Variants in NIPSNAP1 observed in about 807,000 individuals in gnomAD.
NIPSNAP1 encodes nipsnap homolog 1, also known as protein NipSnap homolog 1.
Under a neutral mutation model 49.2 loss-of-function variants are expected in NIPSNAP1, and 25 were observed. The ratio of observed to expected loss-of-function variants is 0.51; its 90% CI spans 0.37 to 0.71. The LOEUF is 0.71. Ranked by LOEUF, NIPSNAP1 falls within the 30% of genes least tolerant of loss-of-function variation. The pLI is 0.00. For synonymous variants in NIPSNAP1, 143 were observed against 140.7 expected, an observed-to-expected ratio of 1.02 and a Z score of -0.12; for missense variants, 294 against 361.0, an observed-to-expected ratio of 0.81 and a Z score of 1.50.
chr22:29,574,261 CAAAAAAAAAAAAAAA>C (rs1158442759), intron 1 of NIPSNAP1, among the ~76,000 whole-genome samples: 89 of 36,694 alleles, frequency 2.4e-3, no homozygotes, highest in African/African-American at 8.5e-3. Flanking sequence ...TCCATCTTCA[CAAAAAAAAAAAAAAA>C]AAAAAAAAAA....
chr22:29,556,903 C>T (rs1323000255), intron 9 of NIPSNAP1, among the ~76,000 whole-genome samples: 2 of 151,936 alleles, frequency 1.3e-5, no homozygotes, highest in Non-Finnish European at 2.9e-5. Context: ...GCATGTGCCA[C>T]TATGCCTGGC....
chr22:29,571,677 G>C (rs1171485069), intron 1 of NIPSNAP1, among the ~76,000 whole-genome samples: 1 of 152,164 alleles, frequency 6.6e-6, no homozygotes, highest in Admixed American at 6.5e-5. Context: ...CTGGCAAGAG[G>C]GATCCCTGAG....
Position 29,555,681 on chromosome 22 carries a change from CTA to C in NIPSNAP1, c.*252_*253del. On this transcript the variant is annotated 3_prime_UTR_variant, in exon 10 of 10. Transcript: ENST00000216121. ...AGATAAATGAAGGCCTAAAAGATCACTATCTTTCATTCAGGGAAATCAGAAAC... is the reference window on the plus strand; with the variant it reads ...AGATAAATGAAGGCCTAAAAGATCACTCTTTCATTCAGGGAAATCAGAAAC... 1.9e-6 allele frequency: 1 copy of C among 524,470 alleles called. No individual in the cohort carries two copies. The highest frequency in any genetic ancestry group is 2.1e-5 in the South Asian group (1 of 48,456). 32.5% of individuals were successfully genotyped at this position (524,470 alleles called of 1,614,324 possible). A position where few individuals can be genotyped will look rare whatever the true frequency, so the allele number is the denominator to read the frequency against.
At chr22:29,570,086 G>T in intron 3 of NIPSNAP1, 76 bp downstream of exon 3, 1 of 1,148,234 alleles carries the variant, frequency 8.7e-7, no homozygotes, top group Non-Finnish European at 1.3e-6. Flanking sequence ...ACAGGGTGGA[G>T]GATGTTCCGC....
Position 29,569,180 on chromosome 22 carries a change from G to A in NIPSNAP1, c.367+13C>T, listed in dbSNP as rs751804661. On this transcript the variant is annotated intron_variant, in intron 4 of 9. Coordinates refer to ENST00000216121, the MANE Select transcript of NIPSNAP1 (RefSeq NM_003634.4). ...GGGCAGTGGCAATGGCACTAGGGAG[G>A]TGAGCGCCTTACCTGCCTGGTCCTG... 5.0e-6 allele frequency: 8 copies of A among 1,612,224 alleles called. No individual in the cohort carries two copies. The highest frequency in any genetic ancestry group is 1.3e-5 in the African/African-American group (1 of 74,994).
chr22:29,555,485 A>G lies in NIPSNAP1; in HGVS notation c.*450T>C. 1 of 197,728 alleles carries G rather than the reference A, an allele frequency of 5.1e-6. No individual in the cohort carries two copies. Among genetic ancestry groups the G allele is most frequent in the Non-Finnish European group, 1.1e-5 (1 of 93,828 alleles). The allele number at this position is 197,728 out of a possible 1,614,324, so 12.2% of individuals were successfully genotyped here. ...GGGACTTGGCTCAGACTGTCCAGCA[A>G]GTGGGTGGCCCAGTGGAAACCAGGG... On this transcript the variant is annotated 3_prime_UTR_variant, in exon 10 of 10. Coordinates refer to ENST00000216121, the MANE Select transcript of NIPSNAP1 (RefSeq NM_003634.4).
chr22:29,569,363 C>A, intron 3 of NIPSNAP1, 76 bp from the exon 4 acceptor site: 1 of 1,084,854 alleles, frequency 9.2e-7, no homozygotes, highest in South Asian at 1.3e-5. Flanking sequence ...AAACTCAGTT[C>A]AAACAGACCC....
In NIPSNAP1 at chr22:29,576,799, C is replaced by G. The variant is rs1032599224; in HGVS notation, c.98+4186G>C. ...AATTAGCTGGGTGCGGTGGCAGGCGCCTGTAATCCCAGCTACTTGGGAGGC... is the reference window on the plus strand; with the variant it reads ...AATTAGCTGGGTGCGGTGGCAGGCGGCTGTAATCCCAGCTACTTGGGAGGC... On this transcript the variant is annotated intron_variant, in intron 1 of 9. Coordinates refer to ENST00000216121, the MANE Select transcript of NIPSNAP1 (RefSeq NM_003634.4). Among the ~76,000 whole-genome samples, 17 of 151,266 alleles carry G rather than the reference C, an allele frequency of 1.1e-4. 1 individual carries two copies. Among genetic ancestry groups the G allele is most frequent in the African/African-American group, 4.2e-4 (17 of 40,630 alleles).
intron 4 of NIPSNAP1, among the ~76,000 whole-genome samples, chr22:29,564,750 A>G (rs1398369889): frequency 6.6e-6 from 1 of 152,168 alleles, no homozygotes; most frequent in Non-Finnish European, 1.5e-5. Flanking sequence ...GGTGCTCTCC[A>G]TAGGAGATGG....
intron 3 of NIPSNAP1, 33 bp from the exon 4 acceptor site, chr22:29,569,320 A>C: frequency 6.5e-7 from 1 of 1,536,940 alleles, no homozygotes; most frequent in Non-Finnish European, 9.0e-7. Flanking sequence ...GGCAGGGTTC[A>C]CATAGCCACC....
chr22:29,560,136 T>C (rs2064324211), intron 8 of NIPSNAP1, among the ~76,000 whole-genome samples: 1 of 152,178 alleles, frequency 6.6e-6, no homozygotes, highest in Non-Finnish European at 1.5e-5. Context: ...TGGCTCCTTC[T>C]CATCCTTTAG....
At chr22:29,572,065 G>A (rs943418996) in intron 1 of NIPSNAP1, among the ~76,000 whole-genome samples, 2 of 152,172 alleles carry the variant, frequency 1.3e-5, no homozygotes, top group Non-Finnish European at 2.9e-5. Flanking sequence ...CACTTTGGGA[G>A]GCCAAGGCAG....
intron 7 of NIPSNAP1, 23 bp downstream of exon 7, chr22:29,561,148 C>T: frequency 1.9e-6 from 3 of 1,609,566 alleles, no homozygotes. Context: ...TCCCCCAACC[C>T]CAGTCTTGGT....
intron 7 of NIPSNAP1, 111 bp from the exon 8 acceptor site, chr22:29,560,939 T>G: frequency 9.4e-7 from 1 of 1,066,966 alleles, no homozygotes; most frequent in Admixed American, 1.8e-5. Flanking sequence ...CCCACGGTCC[T>G]CCGGGATGCT....
chr22:29,571,165 C>CAT (rs1371523569), intron 1 of NIPSNAP1, among the ~76,000 whole-genome samples: 1 of 152,162 alleles, frequency 6.6e-6, no homozygotes, highest in Admixed American at 6.6e-5. Flanking sequence ...TTGAGGAGCT[C>CAT]ATAGTCCACT....
In NIPSNAP1 at chr22:29,569,279, AC is replaced by A. The variant is rs1229136235; in HGVS notation, c.280del (p.Val94CysfsTer46). ...CTCATCCAGGTGAAGCTTGGGCAGC[AC>A]AGCCTCCCTGTGGGGGAGGTGCAGA... ...LDAYNSLTEAVLPKLHLDEDY... is the reference protein window; with the variant it reads ...LDAYNSLTEAXLPKLHLDEDY... On this transcript the variant is annotated frameshift_variant, in exon 4 of 10. Coordinates refer to ENST00000216121, the MANE Select transcript of NIPSNAP1 (RefSeq NM_003634.4). LOFTEE classifies it high-confidence loss of function. 7 of 1,613,720 alleles carry A rather than the reference AC, an allele frequency of 4.3e-6. No homozygotes were observed. In the Admixed American group the frequency reaches 1.2e-4, roughly 27 times the overall value.
intron 1 of NIPSNAP1, among the ~76,000 whole-genome samples, chr22:29,573,573 A>C (rs1011073872): frequency 3.3e-5 from 5 of 152,070 alleles, no homozygotes; most frequent in African/African-American, 1.2e-4. Context: ...GTTTGAGACC[A>C]GCCTGACCAA....
intron 4 of NIPSNAP1, among the ~76,000 whole-genome samples, chr22:29,567,688 A>C (rs2064377248): frequency 1.3e-5 from 2 of 151,868 alleles, no homozygotes; most frequent in South Asian, 4.2e-4. Flanking sequence ...TCCCGTCTCT[A>C]CAAAAAATTT....
chr22:29,565,404 C>T (rs551070893), intron 4 of NIPSNAP1, among the ~76,000 whole-genome samples: 5 of 151,826 alleles, frequency 3.3e-5, no homozygotes, highest in Non-Finnish European at 5.9e-5. Flanking sequence ...CCCAGCTACT[C>T]GGGAGCCTGA....
Sources: allele counts gnomAD v4.1 joint callset (sites outside exome capture counted in the v4.1 genomes callset), GRCh38; gene constraint gnomAD v4.1.1; transcripts MANE v1.5; gene names NCBI Gene and HGNC (gene_info 2026-07-23, HGNC 2026-07-21).